The following KCNMB2 variants were observed in gnomAD, a reference collection of about 807,000 sequenced individuals.
KCNMB2 encodes potassium calcium-activated channel subfamily M regulatory beta subunit 2.
In KCNMB2, 9 loss-of-function variants were observed where a neutral mutation model predicts 24.5. The observed-to-expected ratio is 0.37, with a 90% confidence interval of 0.22 to 0.64. KCNMB2 has a LOEUF of 0.64. Ranked by LOEUF, KCNMB2 falls within the 30% of genes least tolerant of loss-of-function variation. The probability of loss-of-function intolerance (pLI) is 0.63; values close to 1 mark genes in which losing one functional copy is unlikely to be tolerated. For missense variants in KCNMB2, 226 were observed against 284.3 expected, an observed-to-expected ratio of 0.79 and a Z score of 1.47; for synonymous variants, 109 against 104.4, an observed-to-expected ratio of 1.04 and a Z score of -0.27.
In KCNMB2 at chr3:178,690,770, A is replaced by C. The variant is rs142870338; in HGVS notation, c.-67-116573A>C. On this transcript the variant is annotated intron_variant, in intron 1 of 4. Transcript: ENST00000452583. ...GCACTATGGATAGTTCACTCATGGA[A>C]GATTGAATCATGACATGGTGTACTA... Among the ~76,000 whole-genome samples the C allele has an allele frequency of 9.5e-4, 145 of 152,308 alleles. 1 individual carries two copies. The highest frequency in any genetic ancestry group is 3.2e-3 in the African/African-American group (132 of 41,582).
chr3:178,770,659 A>T (rs1473424193), intron 1 of KCNMB2, among the ~76,000 whole-genome samples: 1 of 152,246 alleles, frequency 6.6e-6, no homozygotes, highest in Admixed American at 6.5e-5. Context: ...ATCAAAAAAA[A>T]TATGTGAAAA....
chr3:178,648,288 AAC>A (rs1346877237), intron 1 of KCNMB2, among the ~76,000 whole-genome samples: 1 of 152,212 alleles, frequency 6.6e-6, no homozygotes, highest in Non-Finnish European at 1.5e-5. Context: ...ATGTAATCCC[AAC>A]ACTTTGGGAA....
intron 1 of KCNMB2, among the ~76,000 whole-genome samples, chr3:178,678,931 C>T (rs1721164151): frequency 6.6e-6 from 1 of 152,136 alleles, no homozygotes; most frequent in Non-Finnish European, 1.5e-5. Flanking sequence ...CTGTTATTCT[C>T]TTTCACAGCA....
At chr3:178,743,202 A>G (rs116253974) in intron 1 of KCNMB2, among the ~76,000 whole-genome samples, 1,685 of 152,242 alleles carry the variant, frequency 0.011, 30 homozygotes, top group African/African-American at 0.039. Context: ...CCTCTCCCCA[A>G]AGTTTCTGTC....
intron 4 of KCNMB2, among the ~76,000 whole-genome samples, chr3:178,829,285 T>C (rs1304982709): frequency 6.6e-6 from 1 of 152,172 alleles, no homozygotes; most frequent in African/African-American, 2.4e-5. Context: ...ATCTTTCTTG[T>C]AAAAGCTTTT....
rs73047805 is a variant in KCNMB2 at position 178,696,171 on chromosome 3, A to G, written c.-67-111172A>G. Among the ~76,000 whole-genome samples the G allele has an allele frequency of 1.7e-3, 253 of 152,284 alleles. 1 individual carries two copies. Among genetic ancestry groups the G allele is most frequent in the African/African-American group, 5.8e-3 (242 of 41,544 alleles). ...GGGAAAGCCTCTTATAAAACCATAA[A>G]AGCTCATGAGAACTAACTTACTATC... On this transcript the variant is annotated intron_variant, in intron 1 of 4. Transcript: ENST00000452583.
intron 1 of KCNMB2, among the ~76,000 whole-genome samples, chr3:178,577,283 T>C (rs1208885870): frequency 6.6e-6 from 1 of 152,164 alleles, no homozygotes; most frequent in Non-Finnish European, 1.5e-5. Context: ...GGGGCCTGAC[T>C]GTTAGAAGGA....
chr3:178,585,187 C>T (rs890384163), intron 1 of KCNMB2, among the ~76,000 whole-genome samples: 6 of 152,106 alleles, frequency 3.9e-5, no homozygotes, highest in Non-Finnish European at 5.9e-5. Context: ...ACTCTAGAAA[C>T]GCTTATGTTT....
chr3:178,719,119 T>A (rs1722715048), intron 1 of KCNMB2, among the ~76,000 whole-genome samples: 1 of 152,202 alleles, frequency 6.6e-6, no homozygotes, highest in Non-Finnish European at 1.5e-5. Context: ...GAGTACAACA[T>A]TTTACAGCTT....
chr3:178,661,737 G>A (rs538847423), intron 1 of KCNMB2, among the ~76,000 whole-genome samples: 13 of 152,222 alleles, frequency 8.5e-5, no homozygotes, highest in South Asian at 2.1e-4. Context: ...CTTGGATCCC[G>A]CCCCAAATCT....
chr3:178,665,245 C>T (rs1483929099), intron 1 of KCNMB2, among the ~76,000 whole-genome samples: 3 of 152,158 alleles, frequency 2.0e-5, no homozygotes, highest in Non-Finnish European at 4.4e-5. Flanking sequence ...AGAGAAGTCA[C>T]ACTTTTAAAA....
At chr3:178,758,859 A>C (rs1305268636) in intron 1 of KCNMB2, among the ~76,000 whole-genome samples, 1 of 19,014 alleles carries the variant, frequency 5.3e-5, no homozygotes, top group Non-Finnish European at 8.2e-5. Flanking sequence ...ATATATATAT[A>C]TCTCTCCAAG....
At chr3:178,595,031 C>T (rs958185033) in intron 1 of KCNMB2, among the ~76,000 whole-genome samples, 5 of 131,318 alleles carry the variant, frequency 3.8e-5, no homozygotes, top group Non-Finnish European at 7.8e-5. Flanking sequence ...CTTATTATTC[C>T]GTGCCTTAGT....
intron 1 of KCNMB2, among the ~76,000 whole-genome samples, chr3:178,757,292 ATATATATATATATAT>A (rs1344633307): frequency 0.014 from 1,030 of 72,966 alleles, 67 homozygotes; most frequent in Non-Finnish European, 0.025. Context: ...ATCCAAGAGG[ATATATATATATATAT>A]CCATCCAAGA....
chr3:178,835,078 A>G (rs1264723605), intron 4 of KCNMB2, among the ~76,000 whole-genome samples: 2 of 151,738 alleles, frequency 1.3e-5, no homozygotes, highest in Non-Finnish European at 2.9e-5. Context: ...CAAAGCGCCG[A>G]GAAGATTCTA....
intron 1 of KCNMB2, among the ~76,000 whole-genome samples, chr3:178,570,329 A>G (rs751294835): frequency 9.9e-5 from 15 of 152,074 alleles, no homozygotes; most frequent in Non-Finnish European, 1.5e-4. Flanking sequence ...ACACCCTGCA[A>G]TCAAAAAAGT....
chr3:178,822,709 C>T (rs1010163244), intron 2 of KCNMB2, among the ~76,000 whole-genome samples: 1 of 152,256 alleles, frequency 6.6e-6, no homozygotes, highest in South Asian at 2.1e-4. Flanking sequence ...AAATCATTCA[C>T]TTTTCCCCTC....
intron 1 of KCNMB2, among the ~76,000 whole-genome samples, chr3:178,545,059 C>T (rs972579142): frequency 6.6e-5 from 10 of 152,218 alleles, no homozygotes; most frequent in Admixed American, 6.5e-4. Flanking sequence ...CCAGAAACCA[C>T]ACAAGTTTTA....
At chr3:178,690,766 T>C (rs1258741763) in intron 1 of KCNMB2, among the ~76,000 whole-genome samples, 5 of 152,200 alleles carry the variant, frequency 3.3e-5, no homozygotes, top group Admixed American at 1.3e-4. Context: ...AGTTCACTCA[T>C]GGAAGATTGA....
Sources: gnomAD v4.1 joint callset for allele counts (sites outside exome capture counted in the v4.1 genomes callset) on GRCh38, gnomAD v4.1.1 for gene constraint, MANE v1.5 for transcripts, NCBI Gene and HGNC (gene_info 2026-07-23, HGNC 2026-07-21) for gene names.